ARL6IP6: variants seen among roughly 807,000 people sequenced by gnomAD.
ARL6IP6 encodes the protein ADP-ribosylation factor-like protein 6-interacting protein 6.
Under a neutral mutation model 21.5 loss-of-function variants are expected in ARL6IP6, and 22 were observed. The ratio of observed to expected loss-of-function variants is 1.02; its 90% CI spans 0.73 to 1.46. The LOEUF (loss-of-function observed/expected upper bound fraction) is 1.46. Among genes scored for constraint, ARL6IP6 ranks in the 40% most tolerant of loss-of-function variants. ARL6IP6 has a pLI of 0.00. For missense variants in ARL6IP6, 388 were observed against 299.8 expected, an observed-to-expected ratio of 1.29 and a Z score of -2.17; for synonymous variants, 164 against 125.3, an observed-to-expected ratio of 1.31 and a Z score of -2.06.
At chr2:152,718,428 T>A (rs1298502779), upstream of ARL6IP6, 1 of 695,340 alleles carries the variant, frequency 1.4e-6, no homozygotes, top group African/African-American at 1.9e-5. Context: ...GGTCGAGCTC[T>A]GGTCGAAGCG....
rs1258305560 is a variant in ARL6IP6, at chr2:152,759,742, T to C, written c.588-5T>C. ...TTTTTGATTTGTGTTTTTCTTTTTT[T>C]CTAGGAAACTGACTGGACATTCTTT... On this transcript the variant is annotated splice_polypyrimidine_tract_variant and splice_region_variant and intron_variant, in intron 3 of 3. Transcript: ENST00000326446. 1.2e-6 allele frequency: 2 copies of C among 1,610,664 alleles called. No individual in the cohort carries two copies. The highest frequency in any genetic ancestry group is 3.3e-5 in the Admixed American group (2 of 59,864).
At chr2:152,740,661 GCA>G (rs1700767122) in intron 3 of ARL6IP6, among the ~76,000 whole-genome samples, 1 of 148,436 alleles carries the variant, frequency 6.7e-6, no homozygotes, top group African/African-American at 2.5e-5. Context: ...ACAAAATAAT[GCA>G]TATATATATT....
At chr2:152,744,736 A>G (rs1343064776) in intron 3 of ARL6IP6, among the ~76,000 whole-genome samples, 1 of 152,128 alleles carries the variant, frequency 6.6e-6, no homozygotes, top group African/African-American at 2.4e-5. Flanking sequence ...ACCACAAATA[A>G]CATTTGATAA....
intron 3 of ARL6IP6, among the ~76,000 whole-genome samples, chr2:152,745,731 G>C (rs1701012228): frequency 1.3e-5 from 2 of 152,146 alleles, no homozygotes; most frequent in South Asian, 2.1e-4. Context: ...ACTTGGCCTT[G>C]ATATTTGAGT....
chr2:152,746,587 A>G (rs1476262422), intron 3 of ARL6IP6, among the ~76,000 whole-genome samples: 1 of 152,188 alleles, frequency 6.6e-6, no homozygotes, highest in Non-Finnish European at 1.5e-5. Context: ...GTCAGTTAGT[A>G]TATCCAAGCT....
At chr2:152,722,119 G>A (rs1202090603) in intron 2 of ARL6IP6, among the ~76,000 whole-genome samples, 1 of 152,204 alleles carries the variant, frequency 6.6e-6, no homozygotes, top group African/African-American at 2.4e-5. Flanking sequence ...GTTGTTATCT[G>A]AAGGAATGGC....
Position 152,745,726 on chromosome 2 carries a change from G to A in ARL6IP6, c.587+10600G>A, listed in dbSNP as rs144606793. 9.9e-5 allele frequency among the ~76,000 whole-genome samples: 15 copies of A among 152,218 alleles called. No individual in the cohort carries two copies. In the East Asian group the frequency reaches 2.9e-3, roughly 29 times the overall value. On this transcript the variant is annotated intron_variant, in intron 3 of 3. Transcript: ENST00000326446. ...ACAAAAGAGATGGTTCAGGAACTTG[G>A]CCTTGATATTTGAGTATCATGAAAT...
At chr2:152,742,365 T>C (rs1700851833) in intron 3 of ARL6IP6, among the ~76,000 whole-genome samples, 1 of 152,030 alleles carries the variant, frequency 6.6e-6, no homozygotes, top group South Asian at 2.1e-4. Context: ...CCTAGAAGTT[T>C]GAGACCATCC....
intron 1 of ARL6IP6, 64 bp from the exon 2 acceptor site, chr2:152,720,469 C>T (rs1356673921): frequency 1.9e-5 from 29 of 1,507,514 alleles, no homozygotes; most frequent in Non-Finnish European, 2.7e-5. Flanking sequence ...GCCTTCACAG[C>T]CCTTGAGTTA....
At chr2:152,756,905 C>A (rs1464700531) in intron 3 of ARL6IP6, among the ~76,000 whole-genome samples, 1 of 151,978 alleles carries the variant, frequency 6.6e-6, no homozygotes, top group East Asian at 1.9e-4. Flanking sequence ...AGCAGTTCTA[C>A]TCCTAGGATC....
rs34585982 is a variant in ARL6IP6 at position 152,751,639 on chromosome 2, C to T, written c.588-8108C>T. 2.6e-3 allele frequency among the ~76,000 whole-genome samples: 402 copies of T among 152,180 alleles called. 1 individual carries two copies. The highest frequency in any genetic ancestry group is 9.1e-3 in the African/African-American group (378 of 41,510). On this transcript the variant is annotated intron_variant, in intron 3 of 3. Transcript: ENST00000326446. ...AGTGAGAACATGTGATATTTATCTT[C>T]TTATGCCTGACTTATTTCACTTAAT...
At chr2:152,735,565 C>A (rs1202807551) in intron 3 of ARL6IP6, among the ~76,000 whole-genome samples, 3 of 152,084 alleles carry the variant, frequency 2.0e-5, no homozygotes, top group Admixed American at 1.3e-4. Context: ...ATTTATGGTA[C>A]CCAATTTATA....
chr2:152,717,714 G>C (rs1699195683), upstream of ARL6IP6: 2 of 1,375,628 alleles, frequency 1.5e-6, no homozygotes, highest in African/African-American at 1.5e-5. Context: ...CCCAGGGGAA[G>C]GGAAGACAAC....
intron 2 of ARL6IP6, among the ~76,000 whole-genome samples, chr2:152,733,616 C>T (rs1700424475): frequency 1.3e-5 from 2 of 152,130 alleles, no homozygotes; most frequent in African/African-American, 4.8e-5. Flanking sequence ...AGTTCCTATA[C>T]TATTTCAATA....
chr2:152,726,093 T>C (rs1700034544), intron 2 of ARL6IP6, among the ~76,000 whole-genome samples: 1 of 152,198 alleles, frequency 6.6e-6, no homozygotes, highest in African/African-American at 2.4e-5. Flanking sequence ...GAGTTTTATA[T>C]ACTTCTCTCA....
At chr2:152,717,656 A>C, upstream of ARL6IP6, 2 of 1,413,044 alleles carry the variant, frequency 1.4e-6, no homozygotes, top group African/African-American at 1.5e-5. Context: ...AGGAGGACGG[A>C]GGAAGTTTCT....
At chr2:152,734,687 T>C (rs531535515) in intron 2 of ARL6IP6, among the ~76,000 whole-genome samples, 2 of 152,324 alleles carry the variant, frequency 1.3e-5, no homozygotes, top group Admixed American at 1.3e-4. Context: ...GTGAAATGTT[T>C]TGACCATGTT....
Position 152,734,883 on chromosome 2 carries a change from A to G in ARL6IP6, c.455-111A>G, listed in dbSNP as rs1040960507. 1.9e-5 allele frequency: 21 copies of G among 1,130,580 alleles called. No homozygotes were observed. The African/African-American group carries it at 2.9e-4, about 16-fold the overall frequency. 70.0% of individuals were successfully genotyped at this position (1,130,580 alleles called of 1,614,324 possible). On this transcript the variant is annotated intron_variant, in intron 2 of 3. Transcript: ENST00000326446. ...TCAAATCTCTTAAAATATCAGATCC[A>G]TATAATTTAGAAGATGAGAAATATA... is the stretch of plus-strand genomic sequence containing the variant.
At chr2:152,750,115 A>G (rs921517260) in intron 3 of ARL6IP6, among the ~76,000 whole-genome samples, 2 of 152,198 alleles carry the variant, frequency 1.3e-5, no homozygotes, top group African/African-American at 4.8e-5. Flanking sequence ...TTTAATAGGT[A>G]AAAAACTGTA....
Sources: gnomAD v4.1 joint callset for allele counts (sites outside exome capture counted in the v4.1 genomes callset) on GRCh38, gnomAD v4.1.1 for gene constraint, MANE v1.5 for transcripts, NCBI Gene and HGNC (gene_info 2026-07-23, HGNC 2026-07-21) for gene names.